DNAAF4: variants seen among roughly 807,000 people sequenced by gnomAD.
The protein encoded by DNAAF4 is dynein axonemal assembly factor 4.
A neutral mutation model predicts 51.8 loss-of-function variants in DNAAF4; 43 were observed. That is an observed-to-expected ratio of 0.83 (90% CI 0.65 to 1.07). DNAAF4 has a LOEUF of 1.07. DNAAF4 is among the 50% of genes least tolerant of loss of function. The pLI is 0.00. For synonymous variants in DNAAF4, 194 were observed against 165.6 expected, an observed-to-expected ratio of 1.17 and a Z score of -1.32; for missense variants, 581 against 493.0, an observed-to-expected ratio of 1.18 and a Z score of -1.69.
In DNAAF4 at chr15:55,430,854, TTAAAA is replaced by T; in HGVS notation, c.1154-80_1154-76del. On this transcript the variant is annotated intron_variant, in intron 9 of 9. Coordinates refer to ENST00000321149, the MANE Select transcript of DNAAF4 (RefSeq NM_130810.4). ...CTTCTTTTATCTAGACAATAGTTGT[TTAAAA>T]TAAAAATAATCACTAGTAGCATGGT... 7 of 1,219,256 alleles carry T rather than the reference TTAAAA, an allele frequency of 5.7e-6. No homozygotes were observed. In the South Asian group the frequency reaches 9.5e-5, roughly 17 times the overall value. 75.5% of individuals were successfully genotyped at this position (1,219,256 alleles called of 1,614,324 possible).
chr15:55,455,751 T>C lies in DNAAF4; in HGVS notation c.638-5384A>G, dbSNP rs1441443621. ...CCAGGCTCTAAATGACTTTTCAATA[T>C]GCCAAGCCTCACTGTTAAAGTTGTA... On this transcript the variant is annotated intron_variant, in intron 5 of 9. Coordinates refer to ENST00000321149, the MANE Select transcript of DNAAF4 (RefSeq NM_130810.4). Among the ~76,000 whole-genome samples, 3 of 152,236 alleles carry C rather than the reference T, an allele frequency of 2.0e-5. No individual in the cohort carries two copies. The East Asian group carries it at 5.8e-4, about 29-fold the overall frequency.
Position 55,437,512 on chromosome 15 carries a change from C to G in DNAAF4, c.893+1960G>C, listed in dbSNP as rs537631533. Among the ~76,000 whole-genome samples, 10 of 151,856 alleles carry G rather than the reference C, an allele frequency of 6.6e-5. No individual in the cohort carries two copies. The South Asian group carries it at 1.9e-3, about 28-fold the overall frequency. ...GTAGACAGATAATGCCCCCCGCCCCCCAAAAAAAGATGTCCATATTCTAAT... is the reference window on the plus strand; with the variant it reads ...GTAGACAGATAATGCCCCCCGCCCCGCAAAAAAAGATGTCCATATTCTAAT... On this transcript the variant is annotated intron_variant, in intron 7 of 9. Coordinates refer to ENST00000321149, the MANE Select transcript of DNAAF4 (RefSeq NM_130810.4).
At chr15:55,497,018 T>C (rs79593205) in intron 3 of DNAAF4, among the ~76,000 whole-genome samples, 2,085 of 152,250 alleles carry the variant, frequency 0.014, 35 homozygotes, top group African/African-American at 0.039. Context: ...CTGACAAATT[T>C]TGTTAAAAGC....
intron 7 of DNAAF4, among the ~76,000 whole-genome samples, chr15:55,424,809 C>T (rs986435421): frequency 1.3e-5 from 2 of 152,100 alleles, no homozygotes; most frequent in Non-Finnish European, 2.9e-5. Context: ...CATCCACCTG[C>T]CTCAGCCTCC....
chr15:55,432,582 T>G lies in DNAAF4; in HGVS notation c.1068A>C (p.Pro356=), dbSNP rs777839033. 4 of 1,611,602 alleles carry G rather than the reference T, an allele frequency of 2.5e-6. No homozygotes were observed. Among genetic ancestry groups the G allele is most frequent in the Admixed American group, 3.3e-5 (2 of 59,956 alleles). The part of the protein sequence containing the change: ...DSSKALELLM[P]PVTDNANARM... ...TTGCATTAGCATTGTCTGTAACAGGTGGCATCAATAATTCCAGTGCCTTAC... is the reference window on the plus strand; with the variant it reads ...TTGCATTAGCATTGTCTGTAACAGGGGGCATCAATAATTCCAGTGCCTTAC... Residue 356 remains proline (P), a synonymous_variant, in exon 9 of 10, where the codon CCA becomes CCC. Coordinates refer to ENST00000321149, the MANE Select transcript of DNAAF4 (RefSeq NM_130810.4).
intron 5 of DNAAF4, among the ~76,000 whole-genome samples, chr15:55,458,273 TAAAGA>T (rs906756131): frequency 5.9e-5 from 9 of 152,014 alleles, no homozygotes; most frequent in African/African-American, 1.9e-4. Context: ...AAAATCAACT[TAAAGA>T]AATTTTTAAA....
chr15:55,487,172 G>A lies in DNAAF4; in HGVS notation c.405+3951C>T, dbSNP rs557398783. On this transcript the variant is annotated intron_variant, in intron 4 of 9. Coordinates refer to ENST00000321149, the MANE Select transcript of DNAAF4 (RefSeq NM_130810.4). ...CCTGTCTAGCTAAAGGATTGTAAAC[G>A]CACCAATCAGCACTCTGTAAAAATG... 3.9e-4 allele frequency among the ~76,000 whole-genome samples: 59 copies of A among 152,260 alleles called. 1 individual carries two copies. Among genetic ancestry groups the A allele is most frequent in the East Asian group, 7.7e-4 (4 of 5,180 alleles).
intron 7 of DNAAF4, among the ~76,000 whole-genome samples, chr15:55,421,022 C>G (rs914330970): frequency 2.0e-5 from 3 of 151,832 alleles, no homozygotes; most frequent in African/African-American, 7.3e-5. Flanking sequence ...AACCCCGTCT[C>G]TACTAAAAAT....
chr15:55,504,745 C>T (rs1039067346), intron 1 of DNAAF4, among the ~76,000 whole-genome samples: 4 of 152,164 alleles, frequency 2.6e-5, no homozygotes, highest in Non-Finnish European at 4.4e-5. Context: ...TGGATCCCTT[C>T]CTTACACCTT....
intron 4 of DNAAF4, among the ~76,000 whole-genome samples, chr15:55,487,235 A>G (rs966054578): frequency 2.6e-5 from 4 of 152,166 alleles, no homozygotes; most frequent in African/African-American, 9.6e-5. Flanking sequence ...AAGGATTGTA[A>G]ACATACCAAT....
At chr15:55,479,407 C>T (rs2058378308) in intron 4 of DNAAF4, among the ~76,000 whole-genome samples, 1 of 152,034 alleles carries the variant, frequency 6.6e-6, no homozygotes, top group Non-Finnish European at 1.5e-5. Flanking sequence ...ATCCTGTTAT[C>T]TTCGTAAGCT....
At chr15:55,461,440 C>T (rs917461348) in intron 5 of DNAAF4, among the ~76,000 whole-genome samples, 2 of 152,126 alleles carry the variant, frequency 1.3e-5, no homozygotes, top group African/African-American at 2.4e-5. Flanking sequence ...CAAATACTCT[C>T]TAAGACCACA....
At chr15:55,469,643 T>C (rs948256385) in intron 4 of DNAAF4, among the ~76,000 whole-genome samples, 1 of 151,434 alleles carries the variant, frequency 6.6e-6, no homozygotes, top group Non-Finnish European at 1.5e-5. Flanking sequence ...CCACCACACC[T>C]GGCTAATTTA....
chr15:55,491,726 T>A (rs1027639798), intron 3 of DNAAF4, among the ~76,000 whole-genome samples: 3 of 129,372 alleles, frequency 2.3e-5, no homozygotes, highest in African/African-American at 5.5e-5. Context: ...TATAATAGTA[T>A]ATAATATAAT....
At chr15:55,462,232 C>A (rs1054884106) in intron 5 of DNAAF4, among the ~76,000 whole-genome samples, 2 of 151,994 alleles carry the variant, frequency 1.3e-5, no homozygotes, top group Non-Finnish European at 2.9e-5. Context: ...TGTTCTCTTG[C>A]CCCCAGGCTG....
At chr15:55,502,076 A>G (rs1483497233) in intron 1 of DNAAF4, among the ~76,000 whole-genome samples, 3 of 151,986 alleles carry the variant, frequency 2.0e-5, no homozygotes, top group Admixed American at 6.5e-5. Flanking sequence ...GGTGCTCACC[A>G]AAAGGCATAA....
At chr15:55,500,567 C>G (rs1481694850) in intron 1 of DNAAF4, among the ~76,000 whole-genome samples, 1 of 152,186 alleles carries the variant, frequency 6.6e-6, no homozygotes, top group Non-Finnish European at 1.5e-5. Context: ...ATACTTTGTG[C>G]TGTCGGGGAT....
intron 8 of DNAAF4, 27 bp downstream of exon 8, chr15:55,434,878 C>T (rs980941540): frequency 5.2e-6 from 8 of 1,545,778 alleles, no homozygotes; most frequent in Non-Finnish European, 6.1e-6. Context: ...ATTTAAAGCA[C>T]CATATATCAT....
intron 4 of DNAAF4, among the ~76,000 whole-genome samples, chr15:55,488,922 A>T (rs1274713102): frequency 1.3e-5 from 2 of 152,084 alleles, no homozygotes; most frequent in Non-Finnish European, 2.9e-5. Context: ...CCCTGTCTCT[A>T]CTAAAAATAC....
Sources: allele counts gnomAD v4.1 joint callset (sites outside exome capture counted in the v4.1 genomes callset), GRCh38; gene constraint gnomAD v4.1.1; transcripts MANE v1.5; gene names NCBI Gene and HGNC (gene_info 2026-07-23, HGNC 2026-07-21).